Variants in ACOXL observed in about 807,000 individuals in gnomAD.
ACOXL encodes acyl-coenzyme A oxidase-like protein.
Under a neutral mutation model 71.9 loss-of-function variants are expected in ACOXL, and 70 were observed. That is an observed-to-expected ratio of 0.97 (90% CI 0.80 to 1.19). The LOEUF (loss-of-function observed/expected upper bound fraction) is 1.19, where lower values mean the gene tolerates loss of function less well. ACOXL is among the 50% of genes most tolerant of loss of function. The probability of loss-of-function intolerance (pLI) is 0.00; values close to 1 mark genes in which losing one functional copy is unlikely to be tolerated. For synonymous variants in ACOXL, 253 were observed against 281.6 expected (o/e 0.90, Z 1.02); for missense variants, 703 against 736.3 (o/e 0.95, Z 0.52).
At chr2:110,795,050 A>G (rs1209951946) in intron 5 of ACOXL, among the ~76,000 whole-genome samples, 1 of 152,166 alleles carries the variant, frequency 6.6e-6, no homozygotes, top group East Asian at 1.9e-4. Context: ...AGGGATAAAC[A>G]AATGTTGAGG....
rs114473018 is a variant in ACOXL, at chr2:110,897,189, G to C, written c.789-11600G>C. Among the ~76,000 whole-genome samples the C allele has an allele frequency of 6.4e-3, 970 of 152,260 alleles. 11 individuals carry two copies. Among genetic ancestry groups the C allele is most frequent in the Non-Finnish European group, 6.8e-3 (464 of 68,010 alleles). ...AAAATATGTTGAACTAGATGGAACTGAAAATATATATCAAAAATTGTAGGG... is the reference window on the plus strand; with the variant it reads ...AAAATATGTTGAACTAGATGGAACTCAAAATATATATCAAAAATTGTAGGG... On this transcript the variant is annotated intron_variant, in intron 10 of 17. Coordinates refer to ENST00000439055, the MANE Select transcript of ACOXL (RefSeq NM_001142807.4).
At chr2:110,863,989 G>GCTT (rs1352586217) in intron 10 of ACOXL, among the ~76,000 whole-genome samples, 1 of 152,072 alleles carries the variant, frequency 6.6e-6, no homozygotes, top group Non-Finnish European at 1.5e-5. Context: ...TCCCTCTTCT[G>GCTT]CTTCTTCTTC....
At position 110,841,382 on chromosome 2, in the gene ACOXL, G is replaced by A. The variant is rs748062919; in HGVS notation, c.765G>A (p.Thr255=). 2.5e-6 allele frequency: 4 copies of A among 1,609,486 alleles called. No individual in the cohort carries two copies. In the South Asian group the frequency reaches 3.3e-5, roughly 13 times the overall value. Residue 255 remains threonine (T), a synonymous_variant, in exon 10 of 18, where the codon ACG becomes ACA. Transcript: ENST00000439055. ...CTTTTTAATTACAGCTTGGGTTGACGATAGCCATTCGCTATAGCCACAGGT... is the reference window on the plus strand; with the variant it reads ...CTTTTTAATTACAGCTTGGGTTGACAATAGCCATTCGCTATAGCCACAGGT... ...QAMGAMKLGL[T]IAIRYSHSRR... is the part of the protein sequence containing the mutation.
chr2:110,990,339 T>C (rs2149567840), intron 13 of ACOXL, among the ~76,000 whole-genome samples: 1 of 152,342 alleles, frequency 6.6e-6, no homozygotes, highest in African/African-American at 2.4e-5. Context: ...TTTTTGTAGT[T>C]AATGATTTAT....
At chr2:111,030,322 A>G (rs1164492307) in intron 14 of ACOXL, among the ~76,000 whole-genome samples, 2 of 152,174 alleles carry the variant, frequency 1.3e-5, no homozygotes, top group African/African-American at 2.4e-5. Context: ...AGTTGCATGC[A>G]TCTGCCACAC....
At chr2:110,747,107 C>G (rs539245865) in intron 1 of ACOXL, among the ~76,000 whole-genome samples, 21 of 152,248 alleles carry the variant, frequency 1.4e-4, no homozygotes, top group African/African-American at 3.9e-4. Context: ...CTATGAGGAA[C>G]TGGGGGAGGG....
At chr2:110,771,163 G>A (rs890079291) in intron 2 of ACOXL, among the ~76,000 whole-genome samples, 2 of 152,190 alleles carry the variant, frequency 1.3e-5, no homozygotes, top group African/African-American at 4.8e-5. Context: ...TAAACCTGAA[G>A]GAAATGAAAC....
chr2:110,878,245 A>G (rs551981594), intron 10 of ACOXL, among the ~76,000 whole-genome samples: 79 of 152,354 alleles, frequency 5.2e-4, no homozygotes, highest in Non-Finnish European at 1.0e-3. Flanking sequence ...TCAAAAATAA[A>G]GAGGACTTTT....
chr2:110,972,754 T>C (rs963662347), intron 12 of ACOXL, among the ~76,000 whole-genome samples: 5 of 152,124 alleles, frequency 3.3e-5, no homozygotes, highest in African/African-American at 1.2e-4. Context: ...CCAAGAGTCC[T>C]CTCTCAATGG....
chr2:110,987,628 G>A (rs573108260), intron 13 of ACOXL, among the ~76,000 whole-genome samples: 3 of 152,284 alleles, frequency 2.0e-5, no homozygotes, highest in East Asian at 3.9e-4. Flanking sequence ...CATGCTTTTG[G>A]TTGTTTGTAT....
intron 17 of ACOXL, among the ~76,000 whole-genome samples, chr2:111,108,590 GCTGGT>G (rs1262803615): frequency 6.6e-6 from 1 of 152,058 alleles, no homozygotes; most frequent in Non-Finnish European, 1.5e-5. Flanking sequence ...TATTGGTCAG[GCTGGT>G]CTCGTCCCGA....
At chr2:111,009,979 C>A (rs2064068716) in intron 14 of ACOXL, among the ~76,000 whole-genome samples, 1 of 152,114 alleles carries the variant, frequency 6.6e-6, no homozygotes, top group African/African-American at 2.4e-5. Context: ...GTTTTAACTG[C>A]ATGCTAGAAT....
intron 2 of ACOXL, among the ~76,000 whole-genome samples, chr2:110,783,388 A>G (rs1016091193): frequency 6.6e-6 from 1 of 152,206 alleles, no homozygotes; most frequent in South Asian, 2.1e-4. Context: ...TTTAGGAAAT[A>G]ATCAATACAA....
At chr2:110,821,192 T>C (rs558924735) in intron 9 of ACOXL, among the ~76,000 whole-genome samples, 1 of 152,332 alleles carries the variant, frequency 6.6e-6, no homozygotes, top group Non-Finnish European at 1.5e-5. Flanking sequence ...TTTGATGTCA[T>C]TCTTTCCTGG....
intron 12 of ACOXL, among the ~76,000 whole-genome samples, chr2:110,937,770 A>C (rs1166552692): frequency 6.6e-6 from 1 of 152,192 alleles, no homozygotes; most frequent in Non-Finnish European, 1.5e-5. Context: ...ACACACATTT[A>C]CTGCCTTTGA....
intron 1 of ACOXL, among the ~76,000 whole-genome samples, chr2:110,741,344 G>A (rs987125140): frequency 2.0e-5 from 3 of 152,180 alleles, no homozygotes; most frequent in East Asian, 3.9e-4. Flanking sequence ...CTGCAAGGGA[G>A]AATCTGCTGC....
intron 10 of ACOXL, among the ~76,000 whole-genome samples, chr2:110,908,419 A>G (rs2059536447): frequency 1.3e-5 from 2 of 152,208 alleles, no homozygotes; most frequent in Non-Finnish European, 2.9e-5. Flanking sequence ...GTTCTAGGGT[A>G]TTGCTCCTGT....
chr2:111,064,756 A>G (rs1410707848), intron 16 of ACOXL, among the ~76,000 whole-genome samples: 1 of 152,238 alleles, frequency 6.6e-6, no homozygotes, highest in Non-Finnish European at 1.5e-5. Flanking sequence ...AACACCATGT[A>G]CAATGTCTCA....
chr2:111,043,968 A>ACC (rs2065901369), intron 15 of ACOXL, among the ~76,000 whole-genome samples: 1 of 152,156 alleles, frequency 6.6e-6, no homozygotes, highest in South Asian at 2.1e-4. Flanking sequence ...CTTCCCTACC[A>ACC]GGAAGGAGCC....
Sources: gnomAD v4.1 joint callset for allele counts (sites outside exome capture counted in the v4.1 genomes callset) on GRCh38, gnomAD v4.1.1 for gene constraint, MANE v1.5 for transcripts, NCBI Gene and HGNC (gene_info 2026-07-23, HGNC 2026-07-21) for gene names.